The following CD99L2 variants were observed in gnomAD, a reference collection of about 807,000 sequenced individuals.
CD99L2 encodes CD99 antigen-like protein 2.
In CD99L2, 24 loss-of-function variants were observed where a neutral mutation model predicts 27.3. The observed-to-expected ratio is 0.88, with a 90% CI of 0.64 to 1.24. The LOEUF (loss-of-function observed/expected upper bound fraction) is 1.24. Ranked by LOEUF, CD99L2 falls within the 50% of genes most tolerant of loss-of-function variation. The pLI is 0.00. For synonymous variants in CD99L2, 97 were observed against 87.9 expected, an observed-to-expected ratio of 1.10 and a Z score of -0.58; for missense variants, 255 against 221.6, an observed-to-expected ratio of 1.15 and a Z score of -0.96.
chrX:150,817,832 C>A (rs1256880601), intron 2 of CD99L2, among the ~76,000 whole-genome samples: 4 of 110,715 alleles, frequency 3.6e-5, no homozygotes, highest in Non-Finnish European at 7.6e-5. Flanking sequence ...CCACTGCACT[C>A]CAGCCTGGGC....
chrX:150,813,875 T>C (rs1329890791), intron 4 of CD99L2, among the ~76,000 whole-genome samples: 1 of 112,269 alleles, frequency 8.9e-6, no homozygotes, highest in Non-Finnish European at 1.9e-5. Flanking sequence ...TTAGATGTTT[T>C]CTTGAAAATG....
At chrX:150,819,177 G>A (rs782238396) in intron 2 of CD99L2, 13 of 365,502 alleles carry the variant, frequency 3.6e-5, no homozygotes, top group Non-Finnish European at 6.9e-5. Flanking sequence ...CAGAAGCCAT[G>A]GAGCACTTTG....
chrX:150,831,613 G>T (rs1448990454), intron 1 of CD99L2, among the ~76,000 whole-genome samples: 5 of 111,360 alleles, frequency 4.5e-5, no homozygotes, highest in African/African-American at 1.3e-4. Context: ...GAGGGTGGGA[G>T]GAGGGAGAGG....
intron 1 of CD99L2, among the ~76,000 whole-genome samples, chrX:150,877,081 G>A (rs1451738866): frequency 4.1e-5 from 4 of 96,858 alleles, no homozygotes; most frequent in Non-Finnish European, 6.1e-5. Context: ...CCAAGTGATC[G>A]AAACCAGCAT....
intron 1 of CD99L2, among the ~76,000 whole-genome samples, chrX:150,860,129 C>T (rs1557421865): frequency 4.5e-5 from 5 of 111,590 alleles, no homozygotes; most frequent in Non-Finnish European, 3.8e-5. Flanking sequence ...AATAATACAC[C>T]ACGATCAAGT....
chrX:150,770,155 G>A, intron 10 of CD99L2, 149 bp downstream of exon 10: 1 of 499,884 alleles, frequency 2.0e-6, no homozygotes, highest in East Asian at 3.7e-5. Context: ...GAAACTGGGA[G>A]GCAGGCTCAT....
At chrX:150,870,334 G>A (rs782547062) in intron 1 of CD99L2, among the ~76,000 whole-genome samples, 44 of 111,657 alleles carry the variant, frequency 3.9e-4, no homozygotes, top group South Asian at 3.8e-4. Flanking sequence ...ACAGGCGGAC[G>A]AATTACAGAG....
At chrX:150,842,275 A>ACACTC (rs1296925465) in intron 1 of CD99L2, among the ~76,000 whole-genome samples, 3 of 112,169 alleles carry the variant, frequency 2.7e-5, no homozygotes, top group Non-Finnish European at 5.6e-5. Flanking sequence ...CCACCCACAG[A>ACACTC]CACTCCAACA....
chrX:150,895,078 CAGTTACCTGTA>C (rs2047584646), intron 1 of CD99L2, among the ~76,000 whole-genome samples: 2 of 111,782 alleles, frequency 1.8e-5, no homozygotes, highest in African/African-American at 6.5e-5. Flanking sequence ...GGTTACCAAA[CAGTTACCTGTA>C]AGACTCTATG....
At chrX:150,875,267 C>G (rs1846422519) in intron 1 of CD99L2, among the ~76,000 whole-genome samples, 1 of 112,251 alleles carries the variant, frequency 8.9e-6, no homozygotes, top group Non-Finnish European at 1.9e-5. Context: ...TTACTTTACA[C>G]AAATATCACA....
chrX:150,895,160 A>G (rs1338846697), intron 1 of CD99L2, among the ~76,000 whole-genome samples: 1 of 111,346 alleles, frequency 9.0e-6, no homozygotes, highest in Non-Finnish European at 1.9e-5. Flanking sequence ...AGGTCGGGGT[A>G]ATGTGGCGAG....
intron 1 of CD99L2, among the ~76,000 whole-genome samples, chrX:150,848,990 T>C (rs2046748777): frequency 9.0e-6 from 1 of 111,345 alleles, no homozygotes; most frequent in Non-Finnish European, 1.9e-5. Context: ...AGATCCTGTC[T>C]CCCCACCACA....
chrX:150,793,684 C>T lies in CD99L2; in HGVS notation c.496+7G>A. The T allele has an allele frequency of 8.4e-7, 1 of 1,184,467 alleles. No homozygotes were observed. ...AGGGTTGTGTTGGCACAAATCAATG[C>T]TCCTACCTTTACCCTTGTCAGGTTT... On this transcript the variant is annotated splice_region_variant and intron_variant, in intron 7 of 10. Transcript: ENST00000370377.
intron 2 of CD99L2, chrX:150,816,555 C>A (rs977873426): frequency 8.0e-6 from 1 of 125,409 alleles, no homozygotes; most frequent in South Asian, 2.4e-4. Flanking sequence ...AAGACATGCA[C>A]ACAATATTTT....
At chrX:150,827,203 AC>A (rs2046379756) in intron 2 of CD99L2, among the ~76,000 whole-genome samples, 1 of 111,376 alleles carries the variant, frequency 9.0e-6, no homozygotes, top group African/African-American at 3.3e-5. Context: ...AGAGGAATGC[AC>A]AACGTGCAGA....
chrX:150,887,447 C>CAAAA (rs1259455211), intron 1 of CD99L2, among the ~76,000 whole-genome samples: 1 of 78,654 alleles, frequency 1.3e-5, no homozygotes, highest in Admixed American at 1.3e-4. Flanking sequence ...ACTCCGTCTC[C>CAAAA]AGAAATAAAT....
rs987268203 is a variant in CD99L2 at position 150,822,997 on chromosome X, G to A, written c.131-6919C>T. On this transcript the variant is annotated intron_variant, in intron 2 of 10. Coordinates refer to ENST00000370377, the MANE Select transcript of CD99L2 (RefSeq NM_031462.4). ...TGTGATAGTGAGTTCTCACAAGATT[G>A]GATGGTTTTATAAGGAGCTTTTCTC... Among the ~76,000 whole-genome samples, 20 of 111,426 alleles carry A rather than the reference G, an allele frequency of 1.8e-4. 1 individual carries two copies. The highest frequency in any genetic ancestry group is 5.6e-4 in the African/African-American group (17 of 30,609).
chrX:150,818,881 A>G (rs1217764383), intron 2 of CD99L2: 1 of 376,930 alleles, frequency 2.7e-6, no homozygotes, highest in African/African-American at 2.6e-5. Context: ...CACTGGAGAG[A>G]AAGGATTTGG....
intron 1 of CD99L2, among the ~76,000 whole-genome samples, chrX:150,834,171 T>G (rs189669807): frequency 7.0e-4 from 78 of 111,486 alleles, no homozygotes; most frequent in African/African-American, 2.5e-3. Context: ...ATGCTCAATA[T>G]CTCTAATCAT....
Sources: gnomAD v4.1 joint callset for allele counts (sites outside exome capture counted in the v4.1 genomes callset) on GRCh38, gnomAD v4.1.1 for gene constraint, MANE v1.5 for transcripts, NCBI Gene and HGNC (gene_info 2026-07-23, HGNC 2026-07-21) for gene names.